IL20RB: variants seen among roughly 807,000 people sequenced by gnomAD.
The protein encoded by IL20RB is interleukin-20 receptor subunit beta.
In IL20RB, 21 loss-of-function variants were observed where a neutral mutation model predicts 33.3. The observed-to-expected ratio is 0.63, with a 90% CI of 0.45 to 0.91. The LOEUF (loss-of-function observed/expected upper bound fraction) is 0.91. IL20RB is among the 40% of genes least tolerant of loss of function. The pLI is 0.00. For missense variants in IL20RB, 345 were observed against 384.8 expected, an observed-to-expected ratio of 0.90 and a Z score of 0.86; for synonymous variants, 147 against 146.8, an observed-to-expected ratio of 1.00 and a Z score of -0.01.
At chr3:136,989,644 G>T in intron 4 of IL20RB, 79 bp downstream of exon 4, 1 of 1,533,528 alleles carries the variant, frequency 6.5e-7, no homozygotes. Context: ...AGGGAAGGCT[G>T]CCCCTGCTCA....
intron 6 of IL20RB, among the ~76,000 whole-genome samples, chr3:137,005,977 C>T (rs1273049004): frequency 6.6e-6 from 1 of 152,204 alleles, no homozygotes; most frequent in Non-Finnish European, 1.5e-5. Context: ...CAAAATCTCT[C>T]AGCATTTGCT....
At chr3:136,973,789 C>T (rs1196503829) in intron 1 of IL20RB, among the ~76,000 whole-genome samples, 1 of 151,992 alleles carries the variant, frequency 6.6e-6, no homozygotes, top group Non-Finnish European at 1.5e-5. Context: ...CTTCTTGCTG[C>T]ATTGATCCAT....
intron 3 of IL20RB, among the ~76,000 whole-genome samples, chr3:136,983,995 CCTGA>C (rs563269944): frequency 3.7e-4 from 56 of 152,116 alleles, no homozygotes; most frequent in Non-Finnish European, 6.5e-4. Context: ...TGCCACCATG[CCTGA>C]CTAATTTTTT....
chr3:136,998,714 C>A (rs1942183401), intron 6 of IL20RB, among the ~76,000 whole-genome samples: 1 of 151,944 alleles, frequency 6.6e-6, no homozygotes, highest in East Asian at 1.9e-4. Flanking sequence ...ATAAAGATGG[C>A]ATCTTGCTAT....
At chr3:136,971,473 C>T (rs758039580) in intron 1 of IL20RB, among the ~76,000 whole-genome samples, 5 of 152,204 alleles carry the variant, frequency 3.3e-5, no homozygotes, top group Non-Finnish European at 5.9e-5. Context: ...ACCTACGTCT[C>T]TTCATCCTCC....
intron 5 of IL20RB, among the ~76,000 whole-genome samples, chr3:136,993,672 A>G (rs559467730): frequency 6.6e-6 from 1 of 151,262 alleles, no homozygotes; most frequent in Non-Finnish European, 1.5e-5. Flanking sequence ...CATGCAGTGT[A>G]TGGTTTTCTG....
chr3:136,997,575 C>CT (rs541001735), intron 6 of IL20RB, among the ~76,000 whole-genome samples: 7,875 of 130,598 alleles, frequency 0.06, 254 homozygotes, highest in Middle Eastern at 0.094. Flanking sequence ...ATCAGTATAT[C>CT]TTTTTTTTTT....
chr3:136,961,037 T>G (rs1365959198), intron 1 of IL20RB, among the ~76,000 whole-genome samples: 3 of 152,172 alleles, frequency 2.0e-5, no homozygotes, highest in Non-Finnish European at 4.4e-5. Flanking sequence ...CTACTTCCCT[T>G]GGACTGACTC....
intron 1 of IL20RB, among the ~76,000 whole-genome samples, chr3:136,960,409 G>A (rs940002590): frequency 1.3e-5 from 2 of 152,094 alleles, no homozygotes; most frequent in Non-Finnish European, 2.9e-5. Flanking sequence ...GCCTCCCAAA[G>A]TGCTGGGATT....
intron 6 of IL20RB, among the ~76,000 whole-genome samples, chr3:136,999,747 G>C (rs1348571653): frequency 6.6e-6 from 1 of 151,898 alleles, no homozygotes; most frequent in Non-Finnish European, 1.5e-5. Flanking sequence ...TGACTCTTCT[G>C]TTATCACCAG....
At position 136,995,538 on chromosome 3, in the gene IL20RB, G is replaced by A. The variant is rs770921537; in HGVS notation, c.807G>A (p.Val269=). The A allele has an allele frequency of 1.2e-6, 2 of 1,614,094 alleles. No individual in the cohort carries two copies. Among genetic ancestry groups the A allele is most frequent in the Non-Finnish European group, 8.5e-7 (1 of 1,180,010 alleles). The change falls in exon 6 of 7, where the codon GTG becomes GTA. Residue 269 remains valine, a synonymous_variant. Transcript: ENST00000329582. ...RLLQYSCCPV[V]VLPDTLKITN... is the part of the protein sequence containing the mutation. ...TCCAGTACTCCTGTTGCCCCGTGGT[G>A]GTCCTCCCAGACACCTTGGTAATAG...
intron 6 of IL20RB, among the ~76,000 whole-genome samples, chr3:137,006,645 T>C (rs184863692): frequency 1.2e-3 from 177 of 152,318 alleles, no homozygotes; most frequent in Admixed American, 1.9e-3. Flanking sequence ...TTCTCTACAC[T>C]GTTTATTCTA....
intron 3 of IL20RB, among the ~76,000 whole-genome samples, chr3:136,986,969 T>G (rs932791786): frequency 2.6e-5 from 4 of 151,886 alleles, no homozygotes; most frequent in Admixed American, 2.0e-4. Flanking sequence ...TTCCTCCTGG[T>G]GGGCTCGTGG....
intron 6 of IL20RB, among the ~76,000 whole-genome samples, chr3:137,004,076 G>GT (rs768367072): frequency 3.3e-5 from 5 of 152,180 alleles, no homozygotes; most frequent in African/African-American, 4.8e-5. Context: ...ATTGATTTGT[G>GT]TATGTTGAAT....
chr3:136,983,014 G>A (rs888647817), intron 3 of IL20RB, among the ~76,000 whole-genome samples: 19 of 152,168 alleles, frequency 1.2e-4, no homozygotes, highest in African/African-American at 3.1e-4. Flanking sequence ...ATCATGTGGT[G>A]AAGGGCTTTG....
chr3:136,990,069 G>C (rs1277993396), intron 4 of IL20RB, among the ~76,000 whole-genome samples: 2 of 152,038 alleles, frequency 1.3e-5, no homozygotes, highest in Non-Finnish European at 2.9e-5. Flanking sequence ...GGGCCATGCA[G>C]AATGCTCAGG....
chr3:136,988,885 C>T (rs1387864658), intron 3 of IL20RB, among the ~76,000 whole-genome samples: 1 of 152,226 alleles, frequency 6.6e-6, no homozygotes, highest in African/African-American at 2.4e-5. Flanking sequence ...TGCCACAGAT[C>T]TGTGTGAGCT....
chr3:137,008,336 G>C (rs1345317957), intron 6 of IL20RB, among the ~76,000 whole-genome samples: 1 of 152,218 alleles, frequency 6.6e-6, no homozygotes, highest in Non-Finnish European at 1.5e-5. Context: ...AATAGGGAGG[G>C]GGATGGGGAT....
At position 136,980,577 on chromosome 3, in the gene IL20RB, C is replaced by G; in HGVS notation, c.200C>G (p.Ser67Cys). The change falls in exon 2 of 7, where the codon TCT (serine) becomes TGT (cysteine). Residue 67 changes from serine (S) to cysteine (C), a missense_variant. Physicochemically the swap from Ser to Cys is moderately radical, Grantham distance 112. Coordinates refer to ENST00000329582, the MANE Select transcript of IL20RB (RefSeq NM_144717.4). The part of the protein sequence containing the change: ...VIAPGETVYY[S>C]VEYQGEYESL... ...GCGCCTGGAGAAACAGTGTACTATT[C>G]TGTCGAATACCAGGGGTGAGTTTTT... 3.7e-6 allele frequency: 6 copies of G among 1,614,196 alleles called. No individual in the cohort carries two copies. The highest frequency in any genetic ancestry group is 5.1e-6 in the Non-Finnish European group (6 of 1,180,028).
Sources: allele counts gnomAD v4.1 joint callset (sites outside exome capture counted in the v4.1 genomes callset), GRCh38; gene constraint gnomAD v4.1.1; transcripts MANE v1.5; gene names NCBI Gene and HGNC (gene_info 2026-07-23, HGNC 2026-07-21).